The following MCF2L2 variants were observed in gnomAD, a reference collection of about 807,000 sequenced individuals.
MCF2L2 encodes MCF.2 cell line derived transforming sequence-like 2.
Under a neutral mutation model 150.2 loss-of-function variants are expected in MCF2L2, and 102 were observed. That is an observed-to-expected ratio of 0.68 (90% CI 0.58 to 0.80). The LOEUF is 0.80. Among genes scored for constraint, MCF2L2 ranks in the 30% least tolerant of loss-of-function variants. MCF2L2 has a pLI of 0.00. For missense variants in MCF2L2, 1,256 were observed against 1,372.8 expected, an observed-to-expected ratio of 0.91 and a Z score of 1.34; for synonymous variants, 465 against 491.3, an observed-to-expected ratio of 0.95 and a Z score of 0.71.
intron 3 of MCF2L2, among the ~76,000 whole-genome samples, chr3:183,353,751 G>A (rs1051897598): frequency 6.6e-6 from 1 of 152,164 alleles, no homozygotes; most frequent in Admixed American, 6.5e-5. Context: ...CTTGACCTGA[G>A]ATTCGGGCAG....
rs1466119605 is a variant in MCF2L2 at position 183,181,352 on chromosome 3, A to C, written c.3017-1193T>G. On this transcript the variant is annotated intron_variant, in intron 27 of 29. Coordinates refer to ENST00000328913, the MANE Select transcript of MCF2L2 (RefSeq NM_015078.4). The surrounding 1 kb of genome is among the most constrained non-coding windows in gnomAD (Gnocchi z 4.3). ...GGGCAGCTGGGCAGCACCTCCCTGG[A>C]GGCCCCTCTGAAATCCTGCCTGACT... Among the ~76,000 whole-genome samples the C allele has an allele frequency of 2.0e-5, 3 of 152,020 alleles. No individual in the cohort carries two copies. The highest frequency in any genetic ancestry group is 4.4e-5 in the Non-Finnish European group (3 of 67,998).
intron 15 of MCF2L2, among the ~76,000 whole-genome samples, chr3:183,261,038 T>G (rs982544392): frequency 6.6e-6 from 1 of 152,218 alleles, no homozygotes; most frequent in African/African-American, 2.4e-5. Context: ...AATGTAACAG[T>G]TGCAAAGATA....
chr3:183,341,679 T>A, intron 3 of MCF2L2, 49 bp from the exon 4 acceptor site: 5 of 1,262,618 alleles, frequency 4.0e-6, no homozygotes, highest in Non-Finnish European at 5.8e-6. Context: ...ACCCATATGC[T>A]CCATGTGGCT....
chr3:183,390,387 T>G (rs1483379395), intron 1 of MCF2L2, among the ~76,000 whole-genome samples: 1 of 152,110 alleles, frequency 6.6e-6, no homozygotes, highest in African/African-American at 2.4e-5. Context: ...AACTGAATAA[T>G]AAGTTATATA....
intron 15 of MCF2L2, among the ~76,000 whole-genome samples, chr3:183,262,011 TATGA>T (rs1725637324): frequency 1.4e-5 from 2 of 143,952 alleles, no homozygotes; most frequent in African/African-American, 5.1e-5. Context: ...TATATATATA[TATGA>T]ATATTTATTA....
intron 1 of MCF2L2, among the ~76,000 whole-genome samples, chr3:183,427,529 G>A (rs1377691980): frequency 6.6e-6 from 1 of 152,154 alleles, no homozygotes; most frequent in Non-Finnish European, 1.5e-5. Flanking sequence ...ACTGGCATTC[G>A]TTCCTCTTAT....
chr3:183,395,917 C>CACA (rs1714415196), intron 1 of MCF2L2, among the ~76,000 whole-genome samples: 1 of 58,100 alleles, frequency 1.7e-5, no homozygotes, highest in African/African-American at 7.1e-5. Flanking sequence ...GACATCGTCT[C>CACA]AAAAAAAAAA....
chr3:183,299,960 C>T (rs1728752168), intron 11 of MCF2L2, 45 bp downstream of exon 11: 2 of 1,586,304 alleles, frequency 1.3e-6, no homozygotes, highest in Non-Finnish European at 1.7e-6. Context: ...AGCTTCTTCA[C>T]AGAAAATCTT....
chr3:183,411,058 T>C (rs1345706183), intron 1 of MCF2L2, among the ~76,000 whole-genome samples: 3 of 152,194 alleles, frequency 2.0e-5, no homozygotes, highest in Admixed American at 6.5e-5. Context: ...AGACTAGCAG[T>C]GGTCAGGAAC....
chr3:183,349,572 A>T (rs1731032128), intron 3 of MCF2L2, among the ~76,000 whole-genome samples: 1 of 152,218 alleles, frequency 6.6e-6, no homozygotes, highest in Non-Finnish European at 1.5e-5. Context: ...CACAACAACA[A>T]TCATTCTAGA....
chr3:183,349,713 A>G (rs549341211), intron 3 of MCF2L2, among the ~76,000 whole-genome samples: 5 of 152,358 alleles, frequency 3.3e-5, no homozygotes, highest in African/African-American at 9.6e-5. Flanking sequence ...AGAACAGAAT[A>G]ACTTGCCTGA....
intron 18 of MCF2L2, chr3:183,224,918 G>A (rs1219198686): frequency 6.6e-6 from 1 of 152,324 alleles, no homozygotes; most frequent in Non-Finnish European, 1.5e-5. Flanking sequence ...CAATCTCCCG[G>A]AGAGAAAGCA....
At chr3:183,369,724 TA>T (rs1001014531) in intron 3 of MCF2L2, among the ~76,000 whole-genome samples, 5 of 152,252 alleles carry the variant, frequency 3.3e-5, no homozygotes, top group African/African-American at 4.8e-5. Context: ...TTATGAGAAA[TA>T]AAGCTCTCCT....
chr3:183,179,590 C>A lies in MCF2L2; in HGVS notation c.3208G>T (p.Asp1070Tyr), dbSNP rs200368808. 1 of 1,614,028 alleles carries A rather than the reference C, an allele frequency of 6.2e-7. No homozygotes were observed. The highest frequency in any genetic ancestry group is 8.5e-7 in the Non-Finnish European group (1 of 1,179,988). Residue 1070 changes from aspartate (D) to tyrosine (Y), a missense_variant, in exon 29 of 30, where the codon GAT (aspartate) becomes TAT (tyrosine). Transcript: ENST00000328913. The surrounding 1 kb of genome is among the most constrained non-coding windows in gnomAD (Gnocchi z 4.2). ...GCTCACACTCACGTTTCCTCCTCAT[C>A]GCGTTCTTCTTTTTCTCCCTGGCTG... ...ESSQGEKEER[D>Y]EEETATRSTE...
intron 3 of MCF2L2, among the ~76,000 whole-genome samples, chr3:183,367,869 C>A (rs751626302): frequency 6.6e-6 from 1 of 152,172 alleles, no homozygotes; most frequent in African/African-American, 2.4e-5. Flanking sequence ...TAAAGAAACA[C>A]AAGATACTGT....
intron 1 of MCF2L2, among the ~76,000 whole-genome samples, chr3:183,418,575 G>A (rs1715715595): frequency 6.6e-6 from 1 of 152,224 alleles, no homozygotes; most frequent in Non-Finnish European, 1.5e-5. Context: ...CACAATGAGG[G>A]TGCAGGTACT....
rs548903874 is a variant in MCF2L2 at position 183,246,544 on chromosome 3, C to A, written c.1863-15527G>T. Among the ~76,000 whole-genome samples, 10 of 152,258 alleles carry A rather than the reference C, an allele frequency of 6.6e-5. No homozygotes were observed. In the South Asian group the frequency reaches 1.9e-3, roughly 28 times the overall value. Reference sequence around the variant, plus strand: ...TTGATTCATTTTTAAGGCTGAATATCTTCCATTTTATGTGTCTACCACATT... The same window carrying A: ...TTGATTCATTTTTAAGGCTGAATATATTCCATTTTATGTGTCTACCACATT... On this transcript the variant is annotated intron_variant, in intron 15 of 29. Transcript: ENST00000328913.
At chr3:183,245,893 G>A (rs2314730) in intron 15 of MCF2L2, among the ~76,000 whole-genome samples, 34,618 of 152,072 alleles carry the variant, frequency 0.23, 4,326 homozygotes, top group South Asian at 0.34. Context: ...TCTCTGCTTT[G>A]TATCTCAGTT....
intron 15 of MCF2L2, among the ~76,000 whole-genome samples, chr3:183,269,230 C>CTGTTTTTTTTTTTTTTTTTTT (rs1726467965): frequency 1.2e-5 from 1 of 81,030 alleles, no homozygotes; most frequent in African/African-American, 6.4e-5. Context: ...GTTTGGGAAG[C>CTGTTTTTTTTTTTTTTTTTTT]TTTTTTTTTT....
Sources: gnomAD v4.1 joint callset for allele counts (sites outside exome capture counted in the v4.1 genomes callset) on GRCh38, gnomAD v4.1.1 for gene constraint, Gnocchi (gnomAD v3.1) non-coding constraint, MANE v1.5 for transcripts, NCBI Gene and HGNC (gene_info 2026-07-23, HGNC 2026-07-21) for gene names.